The following NAALADL2 variants were observed in gnomAD, a reference collection of about 807,000 sequenced individuals.
NAALADL2 encodes N-acetylated alpha-linked acidic dipeptidase like 2.
NAALADL2 carries 76 observed loss-of-function variants against 87.2 expected under a neutral mutation model. The ratio of observed to expected loss-of-function variants is 0.87; its 90% CI spans 0.72 to 1.05. The LOEUF (loss-of-function observed/expected upper bound fraction) is 1.05. Among genes scored for constraint, NAALADL2 ranks in the 50% least tolerant of loss-of-function variants. The probability of loss-of-function intolerance (pLI) is 0.00; values close to 1 mark genes in which losing one functional copy is unlikely to be tolerated. For missense variants in NAALADL2, 1,089 were observed against 945.8 expected (o/e 1.15, Z -1.99); for synonymous variants, 354 against 331.0 (o/e 1.07, Z -0.75).
At chr3:174,876,631 C>T (rs1023648269) in intron 1 of NAALADL2, among the ~76,000 whole-genome samples, 7 of 152,126 alleles carry the variant, frequency 4.6e-5, no homozygotes, top group African/African-American at 1.7e-4. Context: ...AGTTTTTCCT[C>T]ATTTACGAGG....
At chr3:174,761,937 A>G (rs986228030) in intron 3 of NAALADL2, among the ~76,000 whole-genome samples, 2 of 152,018 alleles carry the variant, frequency 1.3e-5, no homozygotes, top group South Asian at 2.1e-4. Context: ...GCACCAACCT[A>G]ATGTTATATT....
chr3:175,625,624 T>G (rs1315027001), intron 10 of NAALADL2, among the ~76,000 whole-genome samples: 2 of 151,952 alleles, frequency 1.3e-5, no homozygotes, highest in East Asian at 3.9e-4. Flanking sequence ...CACAGAATCT[T>G]GGGATATTAA....
At chr3:175,155,329 C>A (rs890705923) in intron 2 of NAALADL2, among the ~76,000 whole-genome samples, 1 of 152,084 alleles carries the variant, frequency 6.6e-6, no homozygotes, top group African/African-American at 2.4e-5. Context: ...GTAGCAGTTG[C>A]CCCTTTGACA....
chr3:175,480,790 A>G (rs1475378857), intron 9 of NAALADL2, among the ~76,000 whole-genome samples: 1 of 151,896 alleles, frequency 6.6e-6, no homozygotes, highest in Non-Finnish European at 1.5e-5. Context: ...CTAGTTTGAT[A>G]AAGATTCACA....
chr3:175,803,084 G>C lies in NAALADL2; in HGVS notation c.2269G>C (p.Ala757Pro). The C allele has an allele frequency of 1.2e-6, 2 of 1,612,392 alleles. No individual in the cohort carries two copies. The highest frequency in any genetic ancestry group is 1.7e-6 in the Non-Finnish European group (2 of 1,178,960). Residue 757 changes from alanine to proline, a missense_variant, in exon 14 of 14, where the codon GCA becomes CCA. Physicochemically the swap from Ala to Pro is conservative, Grantham distance 27 (BLOSUM62 -1). Coordinates refer to ENST00000454872, the MANE Select transcript of NAALADL2 (RefSeq NM_207015.3). ...GGCTTGGGAACACTGCAAACCCCTT[G>C]CATCAAATGAGACCCTTCAAGAAGC... ...IEAWEHCKPL[A>P]SNETLQEALS...
chr3:174,512,222 T>G (rs1719646398), intron 1 of NAALADL2, among the ~76,000 whole-genome samples: 1 of 152,204 alleles, frequency 6.6e-6, no homozygotes, highest in South Asian at 2.1e-4. Flanking sequence ...TTATTGGGCT[T>G]AGATTGGTAA....
intron 1 of NAALADL2, among the ~76,000 whole-genome samples, chr3:174,548,879 G>T (rs372207214): frequency 1.6e-4 from 25 of 152,230 alleles, no homozygotes; most frequent in African/African-American, 6.0e-4. Context: ...TCACTCTGTT[G>T]CCCAAGCTAG....
At chr3:174,548,832 T>C (rs893141126) in intron 1 of NAALADL2, among the ~76,000 whole-genome samples, 1 of 152,166 alleles carries the variant, frequency 6.6e-6, no homozygotes, top group Admixed American at 6.5e-5. Context: ...AAGTTGCTAA[T>C]ATATATTTTA....
chr3:175,220,493 C>A (rs114911878), intron 2 of NAALADL2, among the ~76,000 whole-genome samples: 2,591 of 151,858 alleles, frequency 0.017, 41 homozygotes, highest in Non-Finnish European at 0.03. Flanking sequence ...TGCCATAATT[C>A]CTGTCAAAAT....
chr3:175,739,300 T>C (rs1372487229), intron 12 of NAALADL2, among the ~76,000 whole-genome samples: 2 of 152,220 alleles, frequency 1.3e-5, no homozygotes, highest in Admixed American at 1.3e-4. Context: ...TTGTGACGAT[T>C]CGGTTGTCAG....
At chr3:175,172,558 AT>A (rs1735001056) in intron 2 of NAALADL2, among the ~76,000 whole-genome samples, 2 of 152,174 alleles carry the variant, frequency 1.3e-5, no homozygotes, top group African/African-American at 4.8e-5. Context: ...AATGTCCAGC[AT>A]TTTGTAAAGA....
intron 5 of NAALADL2, among the ~76,000 whole-genome samples, chr3:175,438,025 A>G (rs1719030600): frequency 6.6e-6 from 1 of 152,038 alleles, no homozygotes; most frequent in Non-Finnish European, 1.5e-5. Context: ...TATTTTTACA[A>G]TTTCGTGGTT....
At chr3:175,236,343 C>T (rs1166495202) in intron 3 of NAALADL2, among the ~76,000 whole-genome samples, 3 of 151,628 alleles carry the variant, frequency 2.0e-5, no homozygotes, top group South Asian at 2.1e-4. Flanking sequence ...GTTAGGAGTT[C>T]GAGACTAGCC....
At chr3:175,769,886 G>T (rs1317963958) in intron 13 of NAALADL2, among the ~76,000 whole-genome samples, 3 of 152,134 alleles carry the variant, frequency 2.0e-5, no homozygotes, top group Non-Finnish European at 4.4e-5. Context: ...TCCAATATCT[G>T]TAGGTGGGCT....
At chr3:175,536,258 A>C (rs570736338) in intron 9 of NAALADL2, among the ~76,000 whole-genome samples, 1 of 152,348 alleles carries the variant, frequency 6.6e-6, no homozygotes, top group South Asian at 2.1e-4. Context: ...TCAATGGAAT[A>C]ATATTTTTGG....
chr3:174,581,193 T>A (rs1481767820), intron 2 of NAALADL2, among the ~76,000 whole-genome samples: 1 of 152,180 alleles, frequency 6.6e-6, no homozygotes, highest in East Asian at 1.9e-4. Flanking sequence ...TATGATTTAA[T>A]CTCAAGTGCC....
intron 1 of NAALADL2, among the ~76,000 whole-genome samples, chr3:174,473,633 A>G (rs993984620): frequency 6.6e-6 from 1 of 152,148 alleles, no homozygotes; most frequent in Non-Finnish European, 1.5e-5. Context: ...AGATTGCCTT[A>G]CCTATTGAGA....
intron 9 of NAALADL2, among the ~76,000 whole-genome samples, chr3:175,555,684 TAC>T (rs1287414179): frequency 6.6e-6 from 1 of 152,174 alleles, no homozygotes; most frequent in Non-Finnish European, 1.5e-5. Flanking sequence ...AATATATATA[TAC>T]ACACACTACA....
At chr3:174,482,757 T>C (rs984269125) in intron 1 of NAALADL2, among the ~76,000 whole-genome samples, 2 of 152,014 alleles carry the variant, frequency 1.3e-5, no homozygotes, top group Non-Finnish European at 1.5e-5. Flanking sequence ...TTGAATTGAT[T>C]ATCCTTTGAC....
Sources: gnomAD v4.1 joint callset for allele counts (sites outside exome capture counted in the v4.1 genomes callset) on GRCh38, gnomAD v4.1.1 for gene constraint, MANE v1.5 for transcripts, NCBI Gene and HGNC (gene_info 2026-07-23, HGNC 2026-07-21) for gene names.